The following SEPTIN9 variants were observed in gnomAD, a reference collection of about 807,000 sequenced individuals.
SEPTIN9 encodes the protein septin 9, also known as septin-9.
In SEPTIN9, 13 loss-of-function variants were observed where a neutral mutation model predicts 56.6. The observed-to-expected ratio is 0.23, with a 90% confidence interval of 0.15 to 0.37. The LOEUF is 0.37. SEPTIN9 is among the 10% of genes least tolerant of loss of function. The pLI is 1.00. For synonymous variants in SEPTIN9, 332 were observed against 334.1 expected (o/e 0.99, Z 0.07); for missense variants, 650 against 823.1 (o/e 0.79, Z 2.57).
intron 3 of SEPTIN9, among the ~76,000 whole-genome samples, chr17:77,448,461 G>A (rs2037832947): frequency 6.6e-6 from 1 of 150,676 alleles, no homozygotes; most frequent in Non-Finnish European, 1.5e-5. Flanking sequence ...GGGTGACAGA[G>A]CAAGACTCTG....
At chr17:77,366,388 G>C (rs1366402745) in intron 2 of SEPTIN9, among the ~76,000 whole-genome samples, 4 of 152,240 alleles carry the variant, frequency 2.6e-5, no homozygotes, top group Non-Finnish European at 2.9e-5. Context: ...TGTGTGAAGA[G>C]AGAAGGATCA....
chr17:77,401,441 A>G (rs1195502417), intron 2 of SEPTIN9, among the ~76,000 whole-genome samples: 1 of 152,078 alleles, frequency 6.6e-6, no homozygotes, highest in Non-Finnish European at 1.5e-5. Flanking sequence ...GGATAAAAAC[A>G]GCCGCGACAA....
In SEPTIN9 at chr17:77,319,548, G is replaced by T. The variant is rs894043624; in HGVS notation, c.76+12351G>T. 30 of 1,052,880 alleles carry T rather than the reference G, an allele frequency of 2.8e-5. No individual in the cohort carries two copies. The East Asian group carries it at 9.6e-4, about 34-fold the overall frequency. 65.2% of individuals were successfully genotyped at this position (1,052,880 alleles called of 1,614,324 possible). A position where few individuals can be genotyped will look rare whatever the true frequency, so the allele number is the denominator to read the frequency against. On this transcript the variant is annotated intron_variant, in intron 2 of 11. Coordinates refer to ENST00000427177, the MANE Select transcript of SEPTIN9 (RefSeq NM_001113491.2). This position sits in a 1 kb window ranked among gnomAD's most constrained non-coding sequence, Gnocchi z 5.3. ...TCACTGCAGACTAATGGGACGGAGG[G>T]GGGTGACTTCTCAGGGTTCCTCCTG... is the stretch of plus-strand genomic sequence containing the variant.
intron 2 of SEPTIN9, among the ~76,000 whole-genome samples, chr17:77,333,046 C>T (rs1019974687): frequency 8.5e-5 from 13 of 152,176 alleles, no homozygotes; most frequent in Non-Finnish European, 1.6e-4. Context: ...AGATCTTTTC[C>T]CAAAGTGGCC....
chr17:77,401,939 A>G, intron 2 of SEPTIN9, 120 bp from the exon 3 acceptor site: 1 of 961,104 alleles, frequency 1.0e-6, no homozygotes, highest in East Asian at 2.6e-5. Flanking sequence ...GGACGGGAAG[A>G]GACCCCCGGC....
intron 1 of SEPTIN9, among the ~76,000 whole-genome samples, chr17:77,293,820 C>A (rs1449725713): frequency 6.6e-6 from 1 of 152,046 alleles, no homozygotes; most frequent in Non-Finnish European, 1.5e-5. Context: ...GAAAACTGAT[C>A]AGGCTGGACA....
At position 77,435,410 on chromosome 17, in the gene SEPTIN9, C is replaced by T. The variant is rs1399088403; in HGVS notation, c.721+32707C>T. On this transcript the variant is annotated intron_variant, in intron 3 of 11. Transcript: ENST00000427177. The surrounding 1 kb of genome is among the most constrained non-coding windows in gnomAD (Gnocchi z 4.5). The stretch of plus-strand genomic sequence containing the variant: ...GGTGGCTCACCCCTAAACACGCCCC[C>T]CATGGTGGCTCTGTTTCCTCCTCTC... Among the ~76,000 whole-genome samples, 1 of 152,216 alleles carries T rather than the reference C, an allele frequency of 6.6e-6. No homozygotes were observed. Among genetic ancestry groups the T allele is most frequent in the African/African-American group, 2.4e-5 (1 of 41,456 alleles).
intron 3 of SEPTIN9, among the ~76,000 whole-genome samples, chr17:77,412,532 T>C (rs1160549280): frequency 6.6e-6 from 1 of 152,036 alleles, no homozygotes; most frequent in Non-Finnish European, 1.5e-5. Flanking sequence ...AGCTTAGGAG[T>C]TCGAGACCAG....
intron 2 of SEPTIN9, among the ~76,000 whole-genome samples, chr17:77,339,514 ATTT>A (rs34622485): frequency 2.1e-5 from 3 of 146,084 alleles, no homozygotes; most frequent in Non-Finnish European, 1.5e-5. Context: ...GGTCTCAATG[ATTT>A]TTTTTTTTTT....
chr17:77,402,115 C>T lies in SEPTIN9; in HGVS notation c.133C>T (p.Arg45Trp), dbSNP rs369426821. The change falls in exon 3 of 12, where the codon CGG (arginine) becomes TGG (tryptophan). Residue 45 changes from arginine (R) to tryptophan (W), a missense_variant. Arg to Trp is a moderately radical substitution (Grantham distance 101). This residue lies in a region of SEPTIN9 where 317 missense variants were observed against 329.1 expected (regional missense o/e 0.96). Transcript: ENST00000427177. This position sits in a 1 kb window ranked among gnomAD's most constrained non-coding sequence, Gnocchi z 6.6. ...EVETPNSTPP[R>W]RVQTPLLRAT... ...CGAGACACCCAACTCCACCCCACCC[C>T]GGAGGGTCCAGACTCCCCTACTCCG... 1.4e-5 allele frequency: 22 copies of T among 1,613,952 alleles called. No homozygotes were observed. Among genetic ancestry groups the T allele is most frequent in the African/African-American group, 5.3e-5 (4 of 75,032 alleles).
At position 77,373,467 on chromosome 17, in the gene SEPTIN9, C is replaced by T. The variant is rs193055905; in HGVS notation, c.77-28592C>T. ...GCCGGGGGCGCTTCCTCGCCGCTGC[C>T]CTCCGCGCGACCCGCTGCCCACCAG... On this transcript the variant is annotated intron_variant, in intron 2 of 11. Transcript: ENST00000427177. 1.1e-3 allele frequency: 1,628 copies of T among 1,520,180 alleles called. 18 individuals carry two copies. The African/African-American group carries it at 0.02, about 19-fold the overall frequency. 94.2% of individuals were successfully genotyped at this position (1,520,180 alleles called of 1,614,324 possible).
In SEPTIN9 at chr17:77,466,371, A is replaced by G. The variant is rs561506951; in HGVS notation, c.722-15773A>G. ...CCTCCCAGCCTTGGGAGAAATTACC[A>G]TATGAATGTAGCTCCTTCCCGGAGT... is the stretch of plus-strand genomic sequence containing the variant. On this transcript the variant is annotated intron_variant, in intron 3 of 11. Transcript: ENST00000427177. 24 of 984,704 alleles carry G rather than the reference A, an allele frequency of 2.4e-5. No homozygotes were observed. The East Asian group carries it at 1.6e-3, about 65-fold the overall frequency. The allele number at this position is 984,704 out of a possible 1,614,324, so 61.0% of individuals were successfully genotyped here.
At chr17:77,488,205 C>T (rs775940625) in intron 5 of SEPTIN9, 35 bp from the exon 6 acceptor site, 1 of 1,603,752 alleles carries the variant, frequency 6.2e-7, no homozygotes, top group Non-Finnish European at 8.5e-7. Context: ...GGTCTTCCGT[C>T]TCCCCTCTGA....
intron 1 of SEPTIN9, among the ~76,000 whole-genome samples, chr17:77,289,280 A>G (rs1201023050): frequency 6.6e-6 from 1 of 150,532 alleles, no homozygotes; most frequent in East Asian, 2.0e-4. Context: ...TATTTTTAGT[A>G]GAGATGGGGT....
chr17:77,458,368 A>G (rs1031895137), intron 3 of SEPTIN9, among the ~76,000 whole-genome samples: 13 of 152,142 alleles, frequency 8.5e-5, no homozygotes, highest in African/African-American at 3.1e-4. Flanking sequence ...CAGCCCCGGC[A>G]CCGCCGCTGT....
At chr17:77,293,124 C>T (rs957356951) in intron 1 of SEPTIN9, among the ~76,000 whole-genome samples, 8 of 152,014 alleles carry the variant, frequency 5.3e-5, no homozygotes, top group Admixed American at 2.6e-4. Context: ...TCAAGCGATC[C>T]TCCCTTCTCA....
At chr17:77,396,595 A>AG (rs2035723824) in intron 2 of SEPTIN9, among the ~76,000 whole-genome samples, 1 of 151,942 alleles carries the variant, frequency 6.6e-6, no homozygotes, top group South Asian at 2.1e-4. Flanking sequence ...TTGGGAAGAG[A>AG]GGGGCGACCG....
At position 77,319,802 on chromosome 17, in the gene SEPTIN9, C is replaced by A; in HGVS notation, c.76+12605C>A. 1 of 1,075,564 alleles carries A rather than the reference C, an allele frequency of 9.3e-7. No individual in the cohort carries two copies. Among genetic ancestry groups the A allele is most frequent in the African/African-American group, 1.6e-5 (1 of 61,330 alleles). 66.6% of individuals were successfully genotyped at this position (1,075,564 alleles called of 1,614,324 possible). A position where few individuals can be genotyped will look rare whatever the true frequency, so the allele number is the denominator to read the frequency against. On this transcript the variant is annotated intron_variant, in intron 2 of 11. Coordinates refer to ENST00000427177, the MANE Select transcript of SEPTIN9 (RefSeq NM_001113491.2). The surrounding 1 kb of genome is among the most constrained non-coding windows in gnomAD (Gnocchi z 5.3). ...TTTGGAAGTCGTCAGGAATTTGACT[C>A]TGTGAGTTGGTTTCCAAGAGTCTAA...
intron 3 of SEPTIN9, chr17:77,466,681 GC>G: frequency 1.7e-6 from 1 of 600,840 alleles, no homozygotes; most frequent in Non-Finnish European, 2.1e-6. Flanking sequence ...GACCCTGGGG[GC>G]TCCCTCATTT....
Sources: gnomAD v4.1 joint callset for allele counts (sites outside exome capture counted in the v4.1 genomes callset) on GRCh38, gnomAD v4.1.1 for gene constraint, gnomAD v4.1.1 regional missense constraint, Gnocchi (gnomAD v3.1) non-coding constraint, MANE v1.5 for transcripts, NCBI Gene and HGNC (gene_info 2026-07-23, HGNC 2026-07-21) for gene names.